UMAD1: variants seen among roughly 807,000 people sequenced by gnomAD.
UMAD1 encodes UBAP1-MVB12-associated (UMA) domain containing 1.
In UMAD1, 8 loss-of-function variants were observed where a neutral mutation model predicts 6.1. That is an observed-to-expected ratio of 1.30 (90% confidence interval 0.76 to 2.35). The LOEUF (loss-of-function observed/expected upper bound fraction) is 2.35. UMAD1 is among the 30% of genes most tolerant of loss of function. UMAD1 has a pLI of 0.00. For missense variants in UMAD1, 130 were observed against 78.4 expected, an observed-to-expected ratio of 1.66 and a Z score of -2.49; for synonymous variants, 56 against 31.4, an observed-to-expected ratio of 1.78 and a Z score of -2.61.
chr7:7,696,407 A>G (rs1470089536), intron 2 of UMAD1, among the ~76,000 whole-genome samples: 3 of 152,132 alleles, frequency 2.0e-5, no homozygotes, highest in Non-Finnish European at 4.4e-5. Context: ...ATAAAATTCT[A>G]ATTTTCTATA....
chr7:7,690,935 A>G (rs895817366), intron 2 of UMAD1, among the ~76,000 whole-genome samples: 3 of 152,196 alleles, frequency 2.0e-5, no homozygotes, highest in Non-Finnish European at 4.4e-5. Flanking sequence ...AGGTCCAGAT[A>G]TATTTAAATG....
intron 2 of UMAD1, among the ~76,000 whole-genome samples, chr7:7,771,449 T>C (rs1250351485): frequency 6.6e-6 from 1 of 152,150 alleles, no homozygotes; most frequent in African/African-American, 2.4e-5. Context: ...AGTATAAACC[T>C]CTTTGCTGAT....
intron 2 of UMAD1, among the ~76,000 whole-genome samples, chr7:7,734,276 A>G (rs1781307889): frequency 6.6e-6 from 1 of 152,084 alleles, no homozygotes. Context: ...TTAGACTGTT[A>G]TATTTACCCT....
At chr7:7,642,143 AT>A (rs542199324) in intron 1 of UMAD1, among the ~76,000 whole-genome samples, 5 of 151,058 alleles carry the variant, frequency 3.3e-5, no homozygotes, top group Admixed American at 2.6e-4. Flanking sequence ...CTTTAATAGC[AT>A]TTTTTTTTGA....
chr7:7,661,475 A>T (rs967410696), intron 1 of UMAD1, among the ~76,000 whole-genome samples: 1 of 151,966 alleles, frequency 6.6e-6, no homozygotes, highest in Non-Finnish European at 1.5e-5. Flanking sequence ...GATGCTGGTG[A>T]CCTTTCAGTG....
At chr7:7,665,478 C>T (rs942091493) in intron 1 of UMAD1, among the ~76,000 whole-genome samples, 2 of 152,166 alleles carry the variant, frequency 1.3e-5, no homozygotes, top group African/African-American at 4.8e-5. Context: ...TAATTGTGAA[C>T]TAAAACTTAC....
chr7:7,731,482 A>ACCCCC (rs60208794), intron 2 of UMAD1, among the ~76,000 whole-genome samples: 33 of 112,980 alleles, frequency 2.9e-4, no homozygotes, highest in African/African-American at 8.0e-4. Flanking sequence ...CAAACAAACA[A>ACCCCC]CCCCCCCCCA....
chr7:7,760,412 A>AAATAAT (rs71014709), intron 2 of UMAD1, among the ~76,000 whole-genome samples: 6,637 of 142,614 alleles, frequency 0.047, 203 homozygotes, highest in East Asian at 0.075. Context: ...AAAAAATACA[A>AAATAAT]AATAATAATA....
chr7:7,776,829 G>T (rs1046683290), intron 2 of UMAD1, among the ~76,000 whole-genome samples: 1 of 152,024 alleles, frequency 6.6e-6, no homozygotes, highest in Admixed American at 6.6e-5. Flanking sequence ...CATATAAATG[G>T]CTAAAAAATA....
intron 2 of UMAD1, among the ~76,000 whole-genome samples, chr7:7,725,045 A>G (rs1004224185): frequency 1.3e-5 from 2 of 152,198 alleles, no homozygotes; most frequent in Non-Finnish European, 2.9e-5. Flanking sequence ...CAGAGAATGG[A>G]AAAAAATCTG....
Position 7,778,942 on chromosome 7 carries a change from C to T in UMAD1, c.83-22728C>T, listed in dbSNP as rs1344882277. On this transcript the variant is annotated intron_variant, in intron 2 of 3. Transcript: ENST00000682710. Reference sequence around the variant, plus strand: ...CCTCTGTGCCACACGTTAGGCTAAGCATTTTATATGGATGATCTCATGTAA... The same window carrying T: ...CCTCTGTGCCACACGTTAGGCTAAGTATTTTATATGGATGATCTCATGTAA... Among the ~76,000 whole-genome samples the T allele has an allele frequency of 2.0e-5, 3 of 152,136 alleles. No individual in the cohort carries two copies. In the East Asian group the frequency reaches 5.8e-4, roughly 29 times the overall value.
chr7:7,750,538 C>T (rs1180627994), intron 2 of UMAD1, among the ~76,000 whole-genome samples: 5 of 152,112 alleles, frequency 3.3e-5, no homozygotes, highest in African/African-American at 9.7e-5. Context: ...AATGACGGCC[C>T]ATTTTATATT....
intron 2 of UMAD1, among the ~76,000 whole-genome samples, chr7:7,694,866 T>G (rs1780269721): frequency 6.6e-6 from 1 of 152,238 alleles, no homozygotes; most frequent in South Asian, 2.1e-4. Context: ...AGCTATATCT[T>G]TGTTATCCTG....
intron 2 of UMAD1, among the ~76,000 whole-genome samples, chr7:7,794,103 C>G (rs969261279): frequency 2.6e-5 from 4 of 152,136 alleles, no homozygotes; most frequent in Non-Finnish European, 4.4e-5. Context: ...ACCAGTGTTT[C>G]ATAGATTGCA....
At chr7:7,875,856 C>T (rs1784407410) in intron 3 of UMAD1, among the ~76,000 whole-genome samples, 1 of 152,122 alleles carries the variant, frequency 6.6e-6, no homozygotes, top group Non-Finnish European at 1.5e-5. Context: ...GCAGGCAGAT[C>T]GCTTGAGTCC....
At chr7:7,678,794 G>T (rs1457979296) in intron 2 of UMAD1, among the ~76,000 whole-genome samples, 20 of 41,584 alleles carry the variant, frequency 4.8e-4, no homozygotes, top group Admixed American at 6.9e-4. Context: ...TATATATTTA[G>T]TTTATAAATA....
chr7:7,767,368 G>A lies in UMAD1; in HGVS notation c.83-34302G>A, dbSNP rs190317756. On this transcript the variant is annotated intron_variant, in intron 2 of 3. Transcript: ENST00000682710. ...TCTCGATCTCCTGACCTCATGATCC[G>A]CCTGCCTCGGTCTCCCAAAGTGCTG... is the stretch of plus-strand genomic sequence containing the variant. Among the ~76,000 whole-genome samples the A allele has an allele frequency of 5.6e-3, 836 of 150,094 alleles. 4 individuals carry two copies. The highest frequency in any genetic ancestry group is 0.014 in the Middle Eastern group (4 of 286).
rs147834890 is a variant in UMAD1 at position 7,771,502 on chromosome 7, T to C, written c.83-30168T>C. On this transcript the variant is annotated intron_variant, in intron 2 of 3. Coordinates refer to ENST00000682710, the MANE Select transcript of UMAD1 (RefSeq NM_001302348.2). The stretch of plus-strand genomic sequence containing the variant: ...CTGTCAGGTGTGAGAGAATAATCAT[T>C]GGCTGCTAGCAGTTTTGCCACTGAA... Among the ~76,000 whole-genome samples the C allele has an allele frequency of 2.7e-3, 405 of 152,322 alleles. 5 individuals carry two copies. The East Asian group carries it at 0.032, about 12-fold the overall frequency.
At chr7:7,812,631 A>G (rs1168349289) in intron 3 of UMAD1, among the ~76,000 whole-genome samples, 3 of 151,410 alleles carry the variant, frequency 2.0e-5, no homozygotes, top group Non-Finnish European at 2.9e-5. Context: ...TATGTCTTCA[A>G]TTGAGATATT....
Sources: gnomAD v4.1 joint callset for allele counts (sites outside exome capture counted in the v4.1 genomes callset) on GRCh38, gnomAD v4.1.1 for gene constraint, MANE v1.5 for transcripts, NCBI Gene and HGNC (gene_info 2026-07-23, HGNC 2026-07-21) for gene names.